Variants in HDAC9 observed in about 807,000 individuals in gnomAD.
HDAC9 encodes MEF-2 interacting transcription repressor (MITR) protein.
HDAC9 carries 41 observed loss-of-function variants against 139.4 expected under a neutral mutation model. The ratio of observed to expected loss-of-function variants is 0.29; its 90% CI spans 0.23 to 0.38. HDAC9 has a LOEUF of 0.38. HDAC9 is among the 10% of genes least tolerant of loss of function. The pLI is 1.00. For missense variants in HDAC9, 1,147 were observed against 1,297.0 expected (o/e 0.88, Z 1.78); for synonymous variants, 517 against 476.2 (o/e 1.09, Z -1.12).
At chr7:18,344,523 C>T (rs942536782) in intron 1 of HDAC9, among the ~76,000 whole-genome samples, 1 of 151,900 alleles carries the variant, frequency 6.6e-6, no homozygotes, top group Non-Finnish European at 1.5e-5. Context: ...AGAAATTGTT[C>T]AGGTAGTATT....
intron 6 of HDAC9, among the ~76,000 whole-genome samples, chr7:18,617,200 AG>A (rs1479109043): frequency 6.6e-6 from 1 of 152,036 alleles, no homozygotes; most frequent in Non-Finnish European, 1.5e-5. Flanking sequence ...ACTCCTGTCC[AG>A]TCAATCCTTT....
At chr7:18,241,160 C>G (rs1794162442) in intron 2 of HDAC9, among the ~76,000 whole-genome samples, 1 of 152,180 alleles carries the variant, frequency 6.6e-6, no homozygotes, top group Non-Finnish European at 1.5e-5. Flanking sequence ...CAAATACTTT[C>G]ACTTAAGTTA....
At chr7:18,984,664 T>C (rs1785187230) in intron 25 of HDAC9, among the ~76,000 whole-genome samples, 1 of 152,270 alleles carries the variant, frequency 6.6e-6, no homozygotes, top group South Asian at 2.1e-4. Flanking sequence ...TCATGAAATA[T>C]CAATGAAATG....
intron 1 of HDAC9, among the ~76,000 whole-genome samples, chr7:18,334,379 G>GA (rs1409981454): frequency 6.6e-6 from 1 of 151,196 alleles, no homozygotes; most frequent in Non-Finnish European, 1.5e-5. Flanking sequence ...TAGATCAAAA[G>GA]AAAAAACATC....
intron 1 of HDAC9, among the ~76,000 whole-genome samples, chr7:18,333,885 T>C (rs1781393938): frequency 6.6e-6 from 1 of 151,284 alleles, no homozygotes; most frequent in Non-Finnish European, 1.5e-5. Flanking sequence ...AAATGTTAAG[T>C]ACAGTTATTT....
chr7:18,496,572 CTGAGA>C (rs1796998770), intron 2 of HDAC9: 2 of 496,906 alleles, frequency 4.0e-6, no homozygotes, highest in African/African-American at 1.9e-5. Flanking sequence ...AAAGATGAGA[CTGAGA>C]TAAGTAAAAT....
chr7:18,797,924 C>T (rs775139534), intron 17 of HDAC9, among the ~76,000 whole-genome samples: 1 of 151,880 alleles, frequency 6.6e-6, no homozygotes, highest in Non-Finnish European at 1.5e-5. Flanking sequence ...TCTTCTTCAG[C>T]ATATTTCCCC....
At chr7:18,722,659 T>G (rs1225188959) in intron 12 of HDAC9, among the ~76,000 whole-genome samples, 3 of 152,282 alleles carry the variant, frequency 2.0e-5, no homozygotes, top group Middle Eastern at 3.4e-3. Flanking sequence ...AAAAGTGACC[T>G]GGCATTTAAT....
intron 2 of HDAC9, among the ~76,000 whole-genome samples, chr7:18,284,685 G>C (rs1444693736): frequency 6.6e-6 from 1 of 152,078 alleles, no homozygotes; most frequent in Non-Finnish European, 1.5e-5. Context: ...TGTAAATTAG[G>C]AATGAGAAAA....
upstream of HDAC9, among the ~76,000 whole-genome samples, chr7:18,289,833 A>G (rs1245933089): frequency 1.3e-5 from 2 of 152,126 alleles, no homozygotes; most frequent in Non-Finnish European, 2.9e-5. Context: ...TCTAAGAAAC[A>G]ATTCATAGCT....
At chr7:18,718,800 T>C (rs1376340679) in intron 12 of HDAC9, among the ~76,000 whole-genome samples, 2 of 152,182 alleles carry the variant, frequency 1.3e-5, no homozygotes, top group Non-Finnish European at 2.9e-5. Flanking sequence ...TTATTGAAAT[T>C]GCTGGGTCAT....
intron 6 of HDAC9, among the ~76,000 whole-genome samples, chr7:18,602,978 A>G (rs1834398040): frequency 6.6e-6 from 1 of 152,170 alleles, no homozygotes; most frequent in South Asian, 2.1e-4. Flanking sequence ...TTGATGTGAC[A>G]TTATTAGGAG....
intron 22 of HDAC9, among the ~76,000 whole-genome samples, chr7:18,888,144 G>C (rs928989045): frequency 2.6e-5 from 4 of 152,064 alleles, no homozygotes; most frequent in Non-Finnish European, 4.4e-5. Context: ...TCACTGGGCC[G>C]GGTGCGGTGG....
chr7:18,703,885 C>A (rs1401893884), intron 12 of HDAC9, among the ~76,000 whole-genome samples: 2 of 152,120 alleles, frequency 1.3e-5, no homozygotes, highest in African/African-American at 4.8e-5. Context: ...AACACAGGCA[C>A]ACATTCAGTC....
At chr7:18,612,274 C>G (rs533325130) in intron 6 of HDAC9, among the ~76,000 whole-genome samples, 1 of 152,178 alleles carries the variant, frequency 6.6e-6, no homozygotes, top group Non-Finnish European at 1.5e-5. Context: ...ATATCTCCAG[C>G]TTTTATAAAA....
rs58034239 is a variant in HDAC9, at chr7:18,869,147, G to GGTGTGTGTGTGTGT, written c.2685-5304_2685-5291dup. 2.3e-3 allele frequency among the ~76,000 whole-genome samples: 318 copies of GGTGTGTGTGTGTGT among 138,218 alleles called. 1 individual carries two copies. The highest frequency in any genetic ancestry group is 7.9e-3 in the African/African-American group (288 of 36,312). The allele number at this position is 138,218 out of a possible 152,430, so 90.7% of individuals were successfully genotyped here. A position where few individuals can be genotyped will look rare whatever the true frequency, so the allele number is the denominator to read the frequency against. ...GGGAAATTCCTGGACTCACAATTGG[G>GGTGTGTGTGTGTGT]GTGTGTGTGTGTGTGTGTGTGTGTG... On this transcript the variant is annotated intron_variant, in intron 21 of 25. Coordinates refer to ENST00000686413, the MANE Select transcript of HDAC9 (RefSeq NM_178425.4).
At chr7:18,631,029 C>T (rs968677191) in intron 7 of HDAC9, among the ~76,000 whole-genome samples, 1 of 151,928 alleles carries the variant, frequency 6.6e-6, no homozygotes, top group Non-Finnish European at 1.5e-5. Context: ...TTATTTATCC[C>T]AATGTGCTTT....
chr7:18,100,523 G>T (rs1274685740), intron 1 of HDAC9, among the ~76,000 whole-genome samples: 2 of 151,810 alleles, frequency 1.3e-5, no homozygotes, highest in Non-Finnish European at 2.9e-5. Context: ...TTCTATTGCT[G>T]TGTCTTCAAG....
chr7:18,611,206 A>G (rs557287257), intron 6 of HDAC9, among the ~76,000 whole-genome samples: 1 of 152,252 alleles, frequency 6.6e-6, no homozygotes, highest in South Asian at 2.1e-4. Context: ...TACTTTAGAC[A>G]CCACACTGTG....
Sources: allele counts gnomAD v4.1 joint callset (sites outside exome capture counted in the v4.1 genomes callset), GRCh38; gene constraint gnomAD v4.1.1; transcripts MANE v1.5; gene names NCBI Gene and HGNC (gene_info 2026-07-23, HGNC 2026-07-21).